ROBO2: variants seen among roughly 807,000 people sequenced by gnomAD.
The protein encoded by ROBO2 is roundabout guidance receptor 2, also known as roundabout homolog 2.
A neutral mutation model predicts 160.8 loss-of-function variants in ROBO2; 53 were observed. The observed-to-expected ratio is 0.33, with a 90% CI of 0.26 to 0.41. The LOEUF (loss-of-function observed/expected upper bound fraction) is 0.41. Ranked by LOEUF, ROBO2 falls within the 10% of genes least tolerant of loss-of-function variation. The pLI is 1.00. For missense variants in ROBO2, 1,577 were observed against 1,722.4 expected (o/e 0.92, Z 1.49); for synonymous variants, 664 against 611.7 (o/e 1.09, Z -1.26).
intron 2 of ROBO2, among the ~76,000 whole-genome samples, chr3:76,370,508 T>C (rs2076050735): frequency 6.6e-6 from 1 of 151,894 alleles, no homozygotes; most frequent in South Asian, 2.1e-4. Context: ...TAGTGGATTA[T>C]ATTATTAGAA....
intron 2 of ROBO2, among the ~76,000 whole-genome samples, chr3:77,407,724 G>T (rs939438841): frequency 2.6e-5 from 4 of 152,124 alleles, no homozygotes; most frequent in Admixed American, 2.0e-4. Flanking sequence ...TATGTTCGCA[G>T]TTTTAAAAAA....
At chr3:77,016,546 CAG>C (rs2062271715) in intron 2 of ROBO2, among the ~76,000 whole-genome samples, 1 of 152,112 alleles carries the variant, frequency 6.6e-6, no homozygotes, top group Non-Finnish European at 1.5e-5. Context: ...GTTACCAGTT[CAG>C]TCAGGTAAGC....
intron 2 of ROBO2, among the ~76,000 whole-genome samples, chr3:76,293,553 A>C (rs1005297642): frequency 6.6e-6 from 1 of 152,230 alleles, no homozygotes; most frequent in Non-Finnish European, 1.5e-5. Context: ...AAGAATGAGC[A>C]GAACAGCATG....
At chr3:76,152,061 C>T (rs1375560577) in intron 2 of ROBO2, among the ~76,000 whole-genome samples, 1 of 152,100 alleles carries the variant, frequency 6.6e-6, no homozygotes, top group Non-Finnish European at 1.5e-5. Context: ...TTCTAATGAG[C>T]TTTAAAAGGC....
chr3:76,211,691 A>G (rs1357319322), intron 2 of ROBO2, among the ~76,000 whole-genome samples: 1 of 152,062 alleles, frequency 6.6e-6, no homozygotes, highest in East Asian at 1.9e-4. Context: ...AGGTATTTTA[A>G]AAATGTATTT....
chr3:76,473,591 TA>T (rs1165717130), intron 2 of ROBO2, among the ~76,000 whole-genome samples: 2 of 152,272 alleles, frequency 1.3e-5, no homozygotes, highest in East Asian at 1.9e-4. Context: ...TATATTCACG[TA>T]AAACTTACTA....
intron 2 of ROBO2, among the ~76,000 whole-genome samples, chr3:76,304,538 A>G (rs1166269165): frequency 6.6e-6 from 1 of 152,204 alleles, no homozygotes; most frequent in Non-Finnish European, 1.5e-5. Flanking sequence ...CTAAAATTTT[A>G]TTCTGATGGC....
chr3:77,495,647 A>T (rs1402919045), intron 5 of ROBO2, among the ~76,000 whole-genome samples: 1 of 152,106 alleles, frequency 6.6e-6, no homozygotes, highest in African/African-American at 2.4e-5. Context: ...TGTGCCCCAA[A>T]CTTGGATTAG....
chr3:76,402,605 A>G (rs1378950261), intron 2 of ROBO2, among the ~76,000 whole-genome samples: 1 of 151,566 alleles, frequency 6.6e-6, no homozygotes, highest in South Asian at 2.1e-4. Flanking sequence ...CTAAGGAAGA[A>G]CCCGTTTCCT....
intron 2 of ROBO2, among the ~76,000 whole-genome samples, chr3:77,032,714 A>G (rs780579590): frequency 1.9e-4 from 29 of 152,164 alleles, no homozygotes; most frequent in Non-Finnish European, 3.1e-4. Flanking sequence ...AGATGTTCTG[A>G]GTCTGCTTAC....
At position 76,926,273 on chromosome 3, in the gene ROBO2, G is replaced by A. The variant is rs546842098; in HGVS notation, c.110-171741G>A. 1.4e-4 allele frequency among the ~76,000 whole-genome samples: 22 copies of A among 152,240 alleles called. No individual in the cohort carries two copies. In the South Asian group the frequency reaches 2.3e-3, roughly 16 times the overall value. ...TTTTGTTAAGCATGGAGGTATTTGA[G>A]CACATCCTTTTACATAAAAGCGTGA... is the stretch of plus-strand genomic sequence containing the variant. On this transcript the variant is annotated intron_variant, in intron 2 of 26. Transcript: ENST00000487694.
chr3:76,699,678 GAC>G (rs2093006675), intron 2 of ROBO2, among the ~76,000 whole-genome samples: 1 of 152,050 alleles, frequency 6.6e-6, no homozygotes, highest in Non-Finnish European at 1.5e-5. Context: ...CATATCCTTT[GAC>G]ACAATGCACA....
intron 2 of ROBO2, among the ~76,000 whole-genome samples, chr3:77,472,545 G>T (rs993945735): frequency 2.0e-5 from 3 of 152,092 alleles, no homozygotes; most frequent in Non-Finnish European, 4.4e-5. Context: ...GACTAGCTAA[G>T]TGAACTATTT....
intron 2 of ROBO2, among the ~76,000 whole-genome samples, chr3:77,426,496 T>C (rs765693179): frequency 6.6e-6 from 1 of 151,890 alleles, no homozygotes; most frequent in Non-Finnish European, 1.5e-5. Context: ...AATGGGAATA[T>C]ATAGATAATT....
chr3:76,709,099 A>G (rs532787372), intron 2 of ROBO2, among the ~76,000 whole-genome samples: 1 of 152,198 alleles, frequency 6.6e-6, no homozygotes, highest in East Asian at 1.9e-4. Context: ...TGAGCTCTCT[A>G]TGAAGTACCT....
chr3:77,103,414 T>A (rs1273347932), intron 2 of ROBO2, among the ~76,000 whole-genome samples: 2 of 151,552 alleles, frequency 1.3e-5, no homozygotes, highest in Non-Finnish European at 2.9e-5. Context: ...AATCTTTTTT[T>A]TTTTTTCTTT....
chr3:77,536,629 T>C (rs1443918977), intron 6 of ROBO2, among the ~76,000 whole-genome samples: 3 of 152,150 alleles, frequency 2.0e-5, no homozygotes, highest in Admixed American at 6.5e-5. Context: ...GGAATGTCTC[T>C]TGTGGTAGGA....
intron 2 of ROBO2, among the ~76,000 whole-genome samples, chr3:76,046,683 T>C (rs2107792976): frequency 6.6e-6 from 1 of 152,074 alleles, no homozygotes; most frequent in Non-Finnish European, 1.5e-5. Flanking sequence ...CTGGACCACA[T>C]CATACTGGGC....
intron 2 of ROBO2, among the ~76,000 whole-genome samples, chr3:76,983,118 T>C (rs1311825461): frequency 2.0e-5 from 3 of 151,796 alleles, no homozygotes; most frequent in African/African-American, 7.3e-5. Context: ...ACCCCATCTC[T>C]ACTAAAAATA....
Sources: allele counts gnomAD v4.1 joint callset (sites outside exome capture counted in the v4.1 genomes callset), GRCh38; gene constraint gnomAD v4.1.1; transcripts MANE v1.5; gene names NCBI Gene and HGNC (gene_info 2026-07-23, HGNC 2026-07-21).